DDX47: variants seen among roughly 807,000 people sequenced by gnomAD.
DDX47 encodes the protein probable ATP-dependent RNA helicase DDX47.
Under a neutral mutation model 58.8 loss-of-function variants are expected in DDX47, and 60 were observed. The observed-to-expected ratio is 1.02, with a 90% CI of 0.83 to 1.26. The LOEUF is 1.26. DDX47 is among the 50% of genes most tolerant of loss of function. DDX47 has a pLI of 0.00. For synonymous variants in DDX47, 197 were observed against 204.6 expected (o/e 0.96, Z 0.32); for missense variants, 530 against 573.2 (o/e 0.92, Z 0.77).
At chr12:12,814,063 G>C (rs965654890) in intron 1 of DDX47, 68 bp from the exon 2 acceptor site, 6 of 954,472 alleles carry the variant, frequency 6.3e-6, no homozygotes, top group Non-Finnish European at 1.0e-5. Flanking sequence ...GGGTCTGACA[G>C]TCAGTTAAGT....
At chr12:12,819,866 G>T in intron 2 of DDX47, among the ~76,000 whole-genome samples, 1 of 152,130 alleles carries the variant, frequency 6.6e-6, no homozygotes, top group East Asian at 1.9e-4. Flanking sequence ...CTCAGTTCAG[G>T]CCACCATCAT....
chr12:12,819,261 A>T (rs185039264), intron 2 of DDX47, among the ~76,000 whole-genome samples: 223 of 151,904 alleles, frequency 1.5e-3, no homozygotes, highest in Non-Finnish European at 2.0e-3. Context: ...TCTTACTCTG[A>T]AATACTACAT....
Position 12,825,873 on chromosome 12 carries a change from T to G in DDX47, c.1036-127T>G, listed in dbSNP as rs1305018928. 4.3e-6 allele frequency: 3 copies of G among 698,116 alleles called. No individual in the cohort carries two copies. The East Asian group carries it at 9.1e-5, about 21-fold the overall frequency. 43.2% of individuals were successfully genotyped at this position (698,116 alleles called of 1,614,324 possible). The stretch of plus-strand genomic sequence containing the variant: ...TGTCTCAACAAATTGCCCCGGCCAT[T>G]TATTTTCTCCATGTTACGAAATGAA... On this transcript the variant is annotated intron_variant, in intron 9 of 11. Coordinates refer to ENST00000358007, the MANE Select transcript of DDX47 (RefSeq NM_016355.4).
At chr12:12,827,474 A>G in intron 11 of DDX47, 99 bp downstream of exon 11, 1 of 1,368,142 alleles carries the variant, frequency 7.3e-7, no homozygotes, top group Non-Finnish European at 1.0e-6. Flanking sequence ...GAAGCTGGGT[A>G]TTATTTTATT....
intron 2 of DDX47, among the ~76,000 whole-genome samples, chr12:12,819,971 T>G (rs1254591895): frequency 6.6e-6 from 1 of 152,222 alleles, no homozygotes; most frequent in Non-Finnish European, 1.5e-5. Flanking sequence ...ATGTTCAGGT[T>G]ATGTCAGGGA....
At chr12:12,817,995 C>G (rs1000113015) in intron 2 of DDX47, among the ~76,000 whole-genome samples, 1 of 152,316 alleles carries the variant, frequency 6.6e-6, no homozygotes, top group Admixed American at 6.5e-5. Context: ...CTAGTTCCCC[C>G]GCCTGCTGTT....
chr12:12,825,940 G>A (rs1306320840), intron 9 of DDX47, 60 bp from the exon 10 acceptor site: 2 of 1,330,062 alleles, frequency 1.5e-6, no homozygotes, highest in Non-Finnish European at 2.1e-6. Flanking sequence ...CTTTGCATAT[G>A]TAGTTTTTTT....
chr12:12,827,923 C>T (rs988768434), intron 11 of DDX47, among the ~76,000 whole-genome samples: 8 of 129,432 alleles, frequency 6.2e-5, no homozygotes, highest in Non-Finnish European at 1.1e-4. Flanking sequence ...GTTGCCCAGG[C>T]TGGAGCGAAT....
chr12:12,821,748 A>G, intron 4 of DDX47, 22 bp downstream of exon 4: 2 of 1,571,424 alleles, frequency 1.3e-6, no homozygotes, highest in Non-Finnish European at 1.8e-6. Context: ...ACAAAGGTAA[A>G]AGACACTGGC....
At chr12:12,814,887 G>A (rs1862874201) in intron 2 of DDX47, among the ~76,000 whole-genome samples, 1 of 152,174 alleles carries the variant, frequency 6.6e-6, no homozygotes, top group Non-Finnish European at 1.5e-5. Context: ...ATGTTGGCCA[G>A]GCTGGTCTCG....
chr12:12,826,095 A>G, intron 10 of DDX47, 25 bp downstream of exon 10: 2 of 1,600,208 alleles, frequency 1.2e-6, no homozygotes. Context: ...TTTAGGGCCG[A>G]GCAATGTAGA....
At chr12:12,814,671 G>C (rs1018686344) in intron 2 of DDX47, 7 of 155,652 alleles carry the variant, frequency 4.5e-5, no homozygotes, top group Non-Finnish European at 9.9e-5. Flanking sequence ...TTCTTTTTGA[G>C]ATCTTTTTTT....
Position 12,827,876 on chromosome 12 carries a change from C to CT in DDX47, c.1236+518dup, listed in dbSNP as rs58725534. On this transcript the variant is annotated intron_variant, in intron 11 of 11. Coordinates refer to ENST00000358007, the MANE Select transcript of DDX47 (RefSeq NM_016355.4). Reference sequence around the variant, plus strand: ...CCAAGATCCAAAACTTTTCTTTTTTCTTTTTTTTTTTTTTTTTGAGATGGA... The same window carrying CT: ...CCAAGATCCAAAACTTTTCTTTTTTCTTTTTTTTTTTTTTTTTTGAGATGGA... 7.6e-3 allele frequency among the ~76,000 whole-genome samples: 1,007 copies of CT among 132,772 alleles called. 19 individuals carry two copies. Among genetic ancestry groups the CT allele is most frequent in the Middle Eastern group, 0.016 (4 of 254 alleles). The allele number at this position is 132,772 out of a possible 152,430, so 87.1% of individuals were successfully genotyped here.
rs1195423637 is a variant in DDX47 at position 12,813,820 on chromosome 12, C to T, written c.88-311C>T. Among the ~76,000 whole-genome samples, 4 of 152,324 alleles carry T rather than the reference C, an allele frequency of 2.6e-5. No individual in the cohort carries two copies. In the South Asian group the frequency reaches 6.2e-4, roughly 24 times the overall value. On this transcript the variant is annotated intron_variant, in intron 1 of 11. Coordinates refer to ENST00000358007, the MANE Select transcript of DDX47 (RefSeq NM_016355.4). ...TCTCTTACTGAGGACAAGTTGTTAC[C>T]TCTCTGTGTTTCTCTTTCCACATCT...
chr12:12,827,284 T>C lies in DDX47; in HGVS notation c.1145T>C (p.Ile382Thr), dbSNP rs764742465. 12 of 1,614,070 alleles carry C rather than the reference T, an allele frequency of 7.4e-6. 1 individual carries two copies. In the South Asian group the frequency reaches 1.2e-4, roughly 16 times the overall value. The part of the protein sequence containing the change: ...VELFQRIEHL[I>T]GKKLPGFPTQ... The stretch of plus-strand genomic sequence containing the variant: ...CTCTTCCAGCGCATAGAACACTTAA[T>C]TGGGAAGAAACTACCAGGTTTTCCA... The change falls in exon 11 of 12, where the codon ATT becomes ACT. Residue 382 changes from isoleucine (I) to threonine (T), a missense_variant. Coordinates refer to ENST00000358007, the MANE Select transcript of DDX47 (RefSeq NM_016355.4).
rs144619888 is a variant in DDX47, at chr12:12,821,987, C to G, written c.465C>G (p.Asp155Glu). The change falls in exon 5 of 12, where the codon GAC becomes GAG. Residue 155 changes from aspartate to glutamate, a missense_variant. By Grantham distance (45) the Asp-to-Glu change is conservative. Transcript: ENST00000358007. ...TAGCAACTCCTGGTCGACTGATTGA[C>G]CACTTGGAAAATACGAAAGGTTTCA... ...IIIATPGRLI[D>E]HLENTKGFNL... The G allele has an allele frequency of 2.1e-4, 338 of 1,613,406 alleles. 1 individual carries two copies. Among genetic ancestry groups the G allele is most frequent in the Non-Finnish European group, 2.8e-4 (326 of 1,179,678 alleles).
chr12:12,821,950 A>G lies in DDX47; in HGVS notation c.443-15A>G, dbSNP rs1468119542. ...TTCTGAAATGTCACTGTTTCTCCTCAACCTTTCTTGGTAGCAACTCCTGGT... is the reference window on the plus strand; with the variant it reads ...TTCTGAAATGTCACTGTTTCTCCTCGACCTTTCTTGGTAGCAACTCCTGGT... On this transcript the variant is annotated splice_polypyrimidine_tract_variant and intron_variant, in intron 4 of 11. Coordinates refer to ENST00000358007, the MANE Select transcript of DDX47 (RefSeq NM_016355.4). 16 of 1,565,366 alleles carry G rather than the reference A, an allele frequency of 1.0e-5. No homozygotes were observed. Among genetic ancestry groups the G allele is most frequent in the Non-Finnish European group, 1.4e-5 (16 of 1,137,268 alleles).
In DDX47 at chr12:12,829,851, T is replaced by G. The variant is rs1357478466; in HGVS notation, c.*297T>G. On this transcript the variant is annotated 3_prime_UTR_variant, in exon 12 of 12. Transcript: ENST00000358007. Reference sequence around the variant, plus strand: ...CCTTTTTTAGCTGCAAGTCAAGGACTAGGTTGATGATGCCCATGACCTGTA... The same window carrying G: ...CCTTTTTTAGCTGCAAGTCAAGGACGAGGTTGATGATGCCCATGACCTGTA... 4.5e-6 allele frequency: 1 copy of G among 220,656 alleles called. No individual in the cohort carries two copies. The highest frequency in any genetic ancestry group is 2.3e-5 in the African/African-American group (1 of 43,976). The allele number at this position is 220,656 out of a possible 1,614,324, so 13.7% of individuals were successfully genotyped here.
chr12:12,825,895 T>C (rs1172892225), intron 9 of DDX47, 105 bp from the exon 10 acceptor site: 1 of 803,492 alleles, frequency 1.2e-6, no homozygotes, highest in Non-Finnish European at 1.9e-6. Context: ...TGTTACGAAA[T>C]GAATCTATTT....
Sources: allele counts gnomAD v4.1 joint callset (sites outside exome capture counted in the v4.1 genomes callset), GRCh38; gene constraint gnomAD v4.1.1; transcripts MANE v1.5; gene names NCBI Gene and HGNC (gene_info 2026-07-23, HGNC 2026-07-21).